Variants in ZNF223 observed in about 807,000 individuals in gnomAD.
ZNF223 encodes zinc finger protein 223.
ZNF223 carries 9 observed loss-of-function variants against 12.3 expected under a neutral mutation model. The ratio of observed to expected loss-of-function variants is 0.73; its 90% CI spans 0.44 to 1.28. ZNF223 has a LOEUF of 1.28. Ranked by LOEUF, ZNF223 falls within the 50% of genes most tolerant of loss-of-function variation. ZNF223 has a pLI of 0.00. For synonymous variants in ZNF223, 171 were observed against 195.2 expected (o/e 0.88, Z 1.03); for missense variants, 506 against 579.0 (o/e 0.87, Z 1.29).
At chr19:44,065,970 C>A (rs562822479) in intron 4 of ZNF223, 94 bp from the exon 5 acceptor site, 8 of 1,495,156 alleles carry the variant, frequency 5.4e-6, no homozygotes, top group Middle Eastern at 3.7e-4. Context: ...ACTGAACATT[C>A]GTTGAAGTTT....
chr19:44,058,842 C>T (rs766696785), intron 2 of ZNF223, among the ~76,000 whole-genome samples: 20 of 152,242 alleles, frequency 1.3e-4, no homozygotes, highest in Non-Finnish European at 2.2e-4. Context: ...CTGGAGCTAG[C>T]TGCACCTCCA....
At position 44,067,454 on chromosome 19, in the gene ZNF223, C is replaced by T. The variant is rs753267356; in HGVS notation, c.*177C>T. The T allele has an allele frequency of 7.3e-5, 59 of 808,538 alleles. No individual in the cohort carries two copies. Among genetic ancestry groups the T allele is most frequent in the Non-Finnish European group, 1.0e-4 (50 of 493,222 alleles). The allele number at this position is 808,538 out of a possible 1,614,324, so 50.1% of individuals were successfully genotyped here. A position where few individuals can be genotyped will look rare whatever the true frequency, so the allele number is the denominator to read the frequency against. On this transcript the variant is annotated 3_prime_UTR_variant, in exon 5 of 5. Transcript: ENST00000434772. ...AATAAATTGTTGTCGATGATAGTCA[C>T]CTTTAGTGCTGCAGAACAGCAGAAC... is the stretch of plus-strand genomic sequence containing the variant.
intron 2 of ZNF223, among the ~76,000 whole-genome samples, chr19:44,056,223 A>C (rs1057245214): frequency 6.6e-6 from 1 of 151,124 alleles, no homozygotes; most frequent in Non-Finnish European, 1.5e-5. Flanking sequence ...TACCTCACAC[A>C]TTTTTTCTTT....
chr19:44,060,823 C>T lies in ZNF223; in HGVS notation c.217C>T (p.Gln73Ter). 1 of 1,613,318 alleles carries T rather than the reference C, an allele frequency of 6.2e-7. No individual in the cohort carries two copies. Among genetic ancestry groups the T allele is most frequent in the Non-Finnish European group, 8.5e-7 (1 of 1,179,686 alleles). The change falls in exon 4 of 5, where the codon CAA becomes TAA. Residue 73 changes from glutamine to a stop codon, truncating the protein, a stop_gained. Transcript: ENST00000434772. LOFTEE classifies it low-confidence loss of function (END_TRUNC). ...GTTTTGGATGATGGATATAGCAACC[C>T]AAAGGGAAGGGAATTCAGGTAAGAA... is the stretch of plus-strand genomic sequence containing the variant. ...EKFWMMDIAT[Q>*]REGNSGGKIQ... is the part of the protein sequence containing the mutation.
At position 44,067,067 on chromosome 19, in the gene ZNF223, A is replaced by G. The variant is rs1359954694; in HGVS notation, c.1239A>G (p.Ser413=). 1.9e-6 allele frequency: 3 copies of G among 1,613,944 alleles called. No homozygotes were observed. The Admixed American group carries it at 5.0e-5, about 27-fold the overall frequency. Residue 413 remains serine, a synonymous_variant, in exon 5 of 5, where the codon TCA becomes TCG. Coordinates refer to ENST00000434772, the MANE Select transcript of ZNF223 (RefSeq NM_013361.6). ...GTGGGAAGAGCTTTAGACAGGCCTC[A>G]AGTATTTTGAATCATAAGAGACTCC... ...DDCGKSFRQA[S]SILNHKRLHC... is the part of the protein sequence containing the mutation.
At chr19:44,064,058 G>T (rs1014947878) in intron 4 of ZNF223, among the ~76,000 whole-genome samples, 9 of 152,146 alleles carry the variant, frequency 5.9e-5, no homozygotes, top group African/African-American at 2.2e-4. Flanking sequence ...ACCATAATAA[G>T]AAACACCTCT....
intron 4 of ZNF223, among the ~76,000 whole-genome samples, chr19:44,065,577 CTT>C (rs758805971): frequency 0.033 from 3,745 of 113,678 alleles, 94 homozygotes; most frequent in African/African-American, 0.1. Flanking sequence ...TCTTTCTTTT[CTT>C]TTTTTTTTTT....
At chr19:44,064,917 A>T (rs2147479420) in intron 4 of ZNF223, among the ~76,000 whole-genome samples, 1 of 152,260 alleles carries the variant, frequency 6.6e-6, no homozygotes, top group Middle Eastern at 3.4e-3. Context: ...GAGTGCTGGG[A>T]TCCAAGTAAT....
rs1419484757 is a variant in ZNF223 at position 44,055,181 on chromosome 19, C to T, written c.5C>T (p.Thr2Ile). ...TTCCCTAAAGTAGGAGGAAAAATGA[C>T]CATGTCCAAGGTAAGTAGGACTTGC... M[T>I]MSKEAVTFKD... Residue 2 changes from threonine to isoleucine, a missense_variant, in exon 2 of 5, where the codon ACC becomes ATC. Thr to Ile is a moderately conservative substitution (Grantham distance 89). Transcript: ENST00000434772. 1.9e-6 allele frequency: 3 copies of T among 1,613,198 alleles called. No individual in the cohort carries two copies. The highest frequency in any genetic ancestry group is 3.3e-5 in the Admixed American group (2 of 60,016).
At chr19:44,058,969 G>A (rs1275780810) in intron 2 of ZNF223, among the ~76,000 whole-genome samples, 1 of 152,182 alleles carries the variant, frequency 6.6e-6, no homozygotes, top group African/African-American at 2.4e-5. Context: ...GGATCTAACA[G>A]TCTGCCAGCT....
chr19:44,059,786 C>T (rs1297325024), intron 2 of ZNF223, among the ~76,000 whole-genome samples: 1 of 152,160 alleles, frequency 6.6e-6, no homozygotes. Context: ...ACAAAAAATG[C>T]CTGCTAGTGC....
chr19:44,053,098 G>C (rs2147466295), intron 1 of ZNF223, among the ~76,000 whole-genome samples: 1 of 152,210 alleles, frequency 6.6e-6, no homozygotes, highest in East Asian at 1.9e-4. Context: ...TTGTTCATTT[G>C]GAGTTTGATA....
chr19:44,054,537 GTT>G (rs36103129), intron 1 of ZNF223, among the ~76,000 whole-genome samples: 29 of 149,200 alleles, frequency 1.9e-4, no homozygotes, highest in Middle Eastern at 3.5e-3. Flanking sequence ...TGCATTAACA[GTT>G]TTTTTTTTAA....
intron 1 of ZNF223, among the ~76,000 whole-genome samples, chr19:44,053,166 A>C (rs1201136041): frequency 2.0e-5 from 3 of 152,192 alleles, no homozygotes; most frequent in Non-Finnish European, 4.4e-5. Context: ...GGAAATGAGA[A>C]ACTGAGAAAA....
intron 2 of ZNF223, among the ~76,000 whole-genome samples, chr19:44,059,118 T>G (rs1025741413): frequency 6.6e-6 from 1 of 152,194 alleles, no homozygotes; most frequent in African/African-American, 2.4e-5. Flanking sequence ...ATGGGGACAT[T>G]ATCTTTTGCC....
rs1976822331 is a variant in ZNF223, at chr19:44,060,493, T to G, written c.54T>G (p.Thr18=). Reference sequence around the variant, plus strand: ...TCAAGGATGTGGCAGTGGTCTTCACTGAGGAGGAGCTGGGGCTGCTGGACC... The same window carrying G: ...TCAAGGATGTGGCAGTGGTCTTCACGGAGGAGGAGCTGGGGCTGCTGGACC... ...VTFKDVAVVF[T]EEELGLLDLA... is the part of the protein sequence containing the mutation. Residue 18 remains threonine, a synonymous_variant, in exon 3 of 5, where the codon ACT becomes ACG. Coordinates refer to ENST00000434772, the MANE Select transcript of ZNF223 (RefSeq NM_013361.6). 1.9e-6 allele frequency: 3 copies of G among 1,614,104 alleles called. No individual in the cohort carries two copies. Among genetic ancestry groups the G allele is most frequent in the Middle Eastern group, 1.6e-4 (1 of 6,062 alleles).
At chr19:44,056,565 A>T (rs1458496195) in intron 2 of ZNF223, among the ~76,000 whole-genome samples, 5 of 119,046 alleles carry the variant, frequency 4.2e-5, no homozygotes, top group Admixed American at 8.5e-5. Context: ...ATTCCTCCTT[A>T]TGGCATAAAA....
At chr19:44,057,625 A>G (rs1475881668) in intron 2 of ZNF223, among the ~76,000 whole-genome samples, 1 of 152,216 alleles carries the variant, frequency 6.6e-6, no homozygotes, top group African/African-American at 2.4e-5. Flanking sequence ...TTATTCAGAG[A>G]GGGAACAAGC....
chr19:44,057,529 A>G (rs111412352), intron 2 of ZNF223, among the ~76,000 whole-genome samples: 1 of 152,216 alleles, frequency 6.6e-6, no homozygotes, highest in African/African-American at 2.4e-5. Context: ...GCTAATGTTC[A>G]TTAAACAGTC....
Sources: gnomAD v4.1 joint callset for allele counts (sites outside exome capture counted in the v4.1 genomes callset) on GRCh38, gnomAD v4.1.1 for gene constraint, MANE v1.5 for transcripts, NCBI Gene and HGNC (gene_info 2026-07-23, HGNC 2026-07-21) for gene names.